Variants in CDK13 observed in about 807,000 individuals in gnomAD.
CDK13 encodes cyclin dependent kinase 13.
CDK13 carries 40 observed loss-of-function variants against 137.6 expected under a neutral mutation model. The ratio of observed to expected loss-of-function variants is 0.29; its 90% CI spans 0.23 to 0.38. CDK13 has a LOEUF of 0.38. Ranked by LOEUF, CDK13 falls within the 10% of genes least tolerant of loss-of-function variation. The pLI is 1.00. For missense variants in CDK13, 1,704 were observed against 1,951.8 expected, an observed-to-expected ratio of 0.87 and a Z score of 2.39; for synonymous variants, 869 against 760.1, an observed-to-expected ratio of 1.14 and a Z score of -2.36.
intron 4 of CDK13, among the ~76,000 whole-genome samples, 158 bp downstream of exon 4, chr7:39,999,658 TAA>T (rs1784642654): frequency 6.6e-6 from 1 of 152,230 alleles, no homozygotes; most frequent in Non-Finnish European, 1.5e-5. Flanking sequence ...ATGCATTTTG[TAA>T]GATATGAGTA....
At chr7:39,991,629 A>T in intron 2 of CDK13, among the ~76,000 whole-genome samples, 1 of 152,104 alleles carries the variant, frequency 6.6e-6, no homozygotes, top group East Asian at 1.9e-4. Context: ...CTTTATTTTT[A>T]AAATATTCAA....
At chr7:40,001,373 GC>G (rs1784681773) in intron 4 of CDK13, among the ~76,000 whole-genome samples, 1 of 151,836 alleles carries the variant, frequency 6.6e-6, no homozygotes, top group Non-Finnish European at 1.5e-5. Flanking sequence ...GGTTACAGGC[GC>G]CCAGCTAATT....
chr7:39,997,417 T>C, intron 2 of CDK13, 77 bp from the exon 3 acceptor site: 1 of 1,094,074 alleles, frequency 9.1e-7, no homozygotes, highest in South Asian at 1.4e-5. Flanking sequence ...CTATTGCTAC[T>C]TAAATGTAAG....
At chr7:40,052,697 A>G (rs1785920377) in intron 7 of CDK13, among the ~76,000 whole-genome samples, 1 of 152,196 alleles carries the variant, frequency 6.6e-6, no homozygotes, top group Non-Finnish European at 1.5e-5. Context: ...GAACATTGTT[A>G]TTGAAAGCAA....
At chr7:39,989,965 G>GT (rs1311672250) in intron 2 of CDK13, among the ~76,000 whole-genome samples, 1 of 152,032 alleles carries the variant, frequency 6.6e-6, no homozygotes, top group Non-Finnish European at 1.5e-5. Flanking sequence ...TGTATTTTTA[G>GT]TAGAGACGGG....
chr7:39,992,105 GCACA>G (rs764758989), intron 2 of CDK13, among the ~76,000 whole-genome samples: 6 of 133,362 alleles, frequency 4.5e-5, no homozygotes, highest in African/African-American at 1.1e-4. Flanking sequence ...ACACACACAC[GCACA>G]CACACACACA....
At chr7:40,043,470 C>G (rs560216397) in intron 5 of CDK13, among the ~76,000 whole-genome samples, 1 of 152,116 alleles carries the variant, frequency 6.6e-6, no homozygotes, top group Non-Finnish European at 1.5e-5. Flanking sequence ...TAAGTCTCCT[C>G]GCTCCTGGTG....
intron 5 of CDK13, among the ~76,000 whole-genome samples, chr7:40,038,914 C>T (rs908101370): frequency 2.0e-5 from 3 of 152,138 alleles, no homozygotes; most frequent in Admixed American, 6.5e-5. Context: ...AGTCTGGTCT[C>T]GATCGCCCGA....
rs17496198 is a variant in CDK13 at position 39,969,090 on chromosome 7, A to G, written c.1211+17238A>G. ...AGTGGTGTGATCTCAGCTAACTGCA[A>G]CCTCTACCTCCCAGGTTCAAGCGAT... On this transcript the variant is annotated intron_variant, in intron 1 of 13. Transcript: ENST00000181839. Among the ~76,000 whole-genome samples, 617 of 151,864 alleles carry G rather than the reference A, an allele frequency of 4.1e-3. 4 individuals are homozygous for G. The highest frequency in any genetic ancestry group is 0.014 in the African/African-American group (593 of 41,422).
Position 39,951,217 on chromosome 7 carries a change from G to T in CDK13, c.576G>T (p.Glu192Asp), listed in dbSNP as rs1787171885. 4 of 1,255,320 alleles carry T rather than the reference G, an allele frequency of 3.2e-6. No homozygotes were observed. Among genetic ancestry groups the T allele is most frequent in the Non-Finnish European group, 4.0e-6 (4 of 1,002,478 alleles). The allele number at this position is 1,255,320 out of a possible 1,614,324, so 77.8% of individuals were successfully genotyped here. The change falls in exon 1 of 14, where the codon GAG (glutamate) becomes GAT (aspartate). Residue 192 changes from glutamate (E) to aspartate (D), a missense_variant. Transcript: ENST00000181839. ...CCTCCGGCACCCAGCGGCGCGGGGA[G>T]GGGTCGGAGCGCAGGCCCCGCCGGG... ...ASSSGTQRRG[E>D]GSERRPRRDR...
chr7:39,993,253 A>G (rs944329767), intron 2 of CDK13, among the ~76,000 whole-genome samples: 2 of 152,158 alleles, frequency 1.3e-5, no homozygotes, highest in African/African-American at 4.8e-5. Context: ...TGTTTTGTAA[A>G]TACGTGTTTC....
chr7:40,063,144 A>C (rs771018642), intron 9 of CDK13, 44 bp downstream of exon 9: 17 of 1,402,932 alleles, frequency 1.2e-5, no homozygotes, highest in Non-Finnish European at 1.7e-5. Context: ...GGAGAGTGTC[A>C]TACTCCACAG....
At chr7:39,976,303 T>TCG (rs1263230148) in intron 1 of CDK13, among the ~76,000 whole-genome samples, 2 of 73,540 alleles carry the variant, frequency 2.7e-5, no homozygotes, top group African/African-American at 8.0e-5. Context: ...TCTCTCTCTC[T>TCG]CTCTCTCTCT....
chr7:39,976,288 G>GTCTCCCTCTCTCTC (rs1393366183), intron 1 of CDK13, among the ~76,000 whole-genome samples: 1 of 29,872 alleles, frequency 3.3e-5, no homozygotes, highest in Non-Finnish European at 8.8e-5. Flanking sequence ...GCGAGATTCC[G>GTCTCCCTCTCTCTC]TCTCTCTCTC....
At chr7:40,070,961 T>G (rs568917220) in intron 9 of CDK13, 11 of 152,264 alleles carry the variant, frequency 7.2e-5, no homozygotes, top group African/African-American at 1.2e-4. Context: ...GAAAGTAGAT[T>G]AGAATTAAAT....
intron 2 of CDK13, 59 bp from the exon 3 acceptor site, chr7:39,997,435 C>T (rs1712829153): frequency 8.0e-7 from 1 of 1,242,380 alleles, no homozygotes; most frequent in Non-Finnish European, 1.2e-6. Context: ...AAGTCATAAG[C>T]ATATTTTTAT....
intron 4 of CDK13, 32 bp downstream of exon 4, chr7:39,999,532 C>T (rs1306171460): frequency 6.4e-7 from 1 of 1,561,676 alleles, no homozygotes; most frequent in Non-Finnish European, 8.7e-7. Context: ...GATCTTTGGG[C>T]CTACGGAATG....
At chr7:40,002,245 C>A in intron 5 of CDK13, 1 of 366,088 alleles carries the variant, frequency 2.7e-6, no homozygotes, top group Non-Finnish European at 4.9e-6. Flanking sequence ...CAATATTACA[C>A]ATAAAGTATT....
chr7:39,976,205 A>C (rs1189803040), intron 1 of CDK13, among the ~76,000 whole-genome samples: 1 of 151,508 alleles, frequency 6.6e-6, no homozygotes, highest in East Asian at 1.9e-4. Flanking sequence ...AGGCAGGAGA[A>C]TCACTTGAAC....
Sources: allele counts gnomAD v4.1 joint callset (sites outside exome capture counted in the v4.1 genomes callset), GRCh38; gene constraint gnomAD v4.1.1; transcripts MANE v1.5; gene names NCBI Gene and HGNC (gene_info 2026-07-23, HGNC 2026-07-21).